ZNF677: variants seen among roughly 807,000 people sequenced by gnomAD.
The protein encoded by ZNF677 is zinc finger protein 677.
ZNF677 carries 5 observed loss-of-function variants against 8.1 expected under a neutral mutation model. The ratio of observed to expected loss-of-function variants is 0.62; its 90% CI spans 0.32 to 1.29. The LOEUF (loss-of-function observed/expected upper bound fraction) is 1.29, where lower values mean the gene tolerates loss of function less well. ZNF677 is among the 50% of genes most tolerant of loss of function. The pLI is 0.05. For missense variants in ZNF677, 685 were observed against 685.9 expected (o/e 1.00, Z 0.01); for synonymous variants, 221 against 225.6 (o/e 0.98, Z 0.18).
chr19:53,245,329 G>T (rs967606594), intron 3 of ZNF677, among the ~76,000 whole-genome samples: 3 of 151,740 alleles, frequency 2.0e-5, no homozygotes, highest in African/African-American at 7.3e-5. Flanking sequence ...ACAACCAACA[G>T]AACAAAAAGG....
At chr19:53,250,553 C>G (rs186777241) in intron 3 of ZNF677, among the ~76,000 whole-genome samples, 1 of 152,254 alleles carries the variant, frequency 6.6e-6, no homozygotes. Flanking sequence ...AGCCCACTAT[C>G]TTTAGCAAAC....
chr19:53,249,522 A>G (rs2091200490), intron 3 of ZNF677: 1 of 152,244 alleles, frequency 6.6e-6, no homozygotes, highest in South Asian at 2.1e-4. Context: ...ACAAATATAC[A>G]ATTTTGCAAA....
rs1286134931 is a variant in ZNF677 at position 53,237,714 on chromosome 19, T to C, written c.1013A>G (p.Gln338Arg). 1 of 1,613,716 alleles carries C rather than the reference T, an allele frequency of 6.2e-7. No individual in the cohort carries two copies. The highest frequency in any genetic ancestry group is 8.5e-7 in the Non-Finnish European group (1 of 1,179,878). ...CSQNSNLASH[Q>R]RMHTGEKPYK... ...AGGTTTCTCTCCAGTATGCATCCTC[T>C]GATGACTTGCAAGATTTGAATTTTG... The change falls in exon 5 of 5, where the codon CAG (glutamine) becomes CGG (arginine). Residue 338 changes from glutamine (Q) to arginine (R), a missense_variant. Physicochemically the swap from Gln to Arg is conservative, Grantham distance 43. Coordinates refer to ENST00000598513, the MANE Select transcript of ZNF677 (RefSeq NM_182609.4).
In ZNF677 at chr19:53,243,776, G is replaced by C. The variant is rs748548799; in HGVS notation, c.137C>G (p.Ser46Cys). 1 of 1,614,178 alleles carries C rather than the reference G, an allele frequency of 6.2e-7. No homozygotes were observed. The highest frequency in any genetic ancestry group is 8.5e-7 in the Non-Finnish European group (1 of 1,180,036). ...TGGAGGGATGTTATCCTCATCGAGA[G>C]AAAGCAGGTTCCTGTAGTTCTCCAA... ...VMLENYRNLL[S>C]LDEDNIPPED... is the part of the protein sequence containing the mutation. The change falls in exon 4 of 5, where the codon TCT becomes TGT. Residue 46 changes from serine (S) to cysteine (C), a missense_variant. By Grantham distance (112) the Ser-to-Cys change is moderately radical. Coordinates refer to ENST00000598513, the MANE Select transcript of ZNF677 (RefSeq NM_182609.4).
At position 53,237,750 on chromosome 19, in the gene ZNF677, T is replaced by A; in HGVS notation, c.977A>T (p.Lys326Met). ...AAGATTTGAATTTTGACTACAGACC[T>A]TGCCACATATATTACATTGATATGG... Reference protein sequence around the residue: ...EKPYQCNICGKVCSQNSNLAS... With the variant: ...EKPYQCNICGMVCSQNSNLAS... Residue 326 changes from lysine to methionine, a missense_variant, in exon 5 of 5, where the codon AAG becomes ATG. Transcript: ENST00000598513. 6.2e-7 allele frequency: 1 copy of A among 1,613,786 alleles called. No individual in the cohort carries two copies. The highest frequency in any genetic ancestry group is 8.5e-7 in the Non-Finnish European group (1 of 1,179,880).
intron 3 of ZNF677, among the ~76,000 whole-genome samples, chr19:53,246,530 A>T (rs868101215): frequency 1.0e-4 from 14 of 139,476 alleles, no homozygotes; most frequent in South Asian, 2.4e-4. Context: ...ACACACACAC[A>T]CTCACACACA....
chr19:53,240,790 C>T (rs2091037575), intron 4 of ZNF677: 1 of 152,016 alleles, frequency 6.6e-6, no homozygotes, highest in South Asian at 2.1e-4. Context: ...TTTGCCCAAA[C>T]CCAAAGCATA....
chr19:53,238,200 A>T lies in ZNF677; in HGVS notation c.527T>A (p.Ile176Lys). 6.2e-7 allele frequency: 1 copy of T among 1,613,768 alleles called. No individual in the cohort carries two copies. Among genetic ancestry groups the T allele is most frequent in the Non-Finnish European group, 8.5e-7 (1 of 1,179,894 alleles). Reference protein sequence around the residue: ...IRNLLKLKNNIRYAGNKYVKC... With the variant: ...IRNLLKLKNNKRYAGNKYVKC... ...CACGTATTTGTTTCCGGCATACCTT[A>T]TGTTATTTTTCAGTTTTAACAAATT... Residue 176 changes from isoleucine (I) to lysine (K), a missense_variant, in exon 5 of 5, where the codon ATA (isoleucine) becomes AAA (lysine). Transcript: ENST00000598513.
rs956387329 is a variant in ZNF677 at position 53,237,308 on chromosome 19, G to T, written c.1419C>A (p.His473Gln). The T allele has an allele frequency of 5.6e-6, 9 of 1,613,548 alleles. No individual in the cohort carries two copies. Among genetic ancestry groups the T allele is most frequent in the African/African-American group, 1.3e-5 (1 of 74,828 alleles). ...TATGAGTTCTCTGATGACCCCAAAG[G>T]TGTGAACGTTTGATAAAAGCTTTAT... ...KCDKAFIKRS[H>Q]LWGHQRTHTG... Residue 473 changes from histidine (H) to glutamine (Q), a missense_variant, in exon 5 of 5, where the codon CAC becomes CAA. By Grantham distance (24) the His-to-Gln change is conservative. Transcript: ENST00000598513.
chr19:53,243,609 A>G (rs1234494255), intron 4 of ZNF677, 135 bp downstream of exon 4: 13 of 1,191,810 alleles, frequency 1.1e-5, no homozygotes, highest in Admixed American at 2.3e-5. Flanking sequence ...TATATGCTAC[A>G]TTATGAAGCC....
chr19:53,244,078 G>T lies in ZNF677; in HGVS notation c.16-181C>A, dbSNP rs11881252. Reference sequence around the variant, plus strand: ...TTACATAACATAAAATTAGCTATTTGAGGCTGGGTGCAGTGGCTCACACCT... The same window carrying T: ...TTACATAACATAAAATTAGCTATTTTAGGCTGGGTGCAGTGGCTCACACCT... On this transcript the variant is annotated intron_variant, in intron 3 of 4. Transcript: ENST00000598513. 2,782 of 611,726 alleles carry T rather than the reference G, an allele frequency of 4.5e-3. 75 individuals carry two copies. The African/African-American group carries it at 0.048, about 11-fold the overall frequency. 37.9% of individuals were successfully genotyped at this position (611,726 alleles called of 1,614,324 possible).
Position 53,238,414 on chromosome 19 carries a change from T to G in ZNF677, c.313A>C (p.Lys105Gln). 2 of 1,613,970 alleles carry G rather than the reference T, an allele frequency of 1.2e-6. No individual in the cohort carries two copies. The highest frequency in any genetic ancestry group is 8.5e-7 in the Non-Finnish European group (1 of 1,179,944). ...TCATAGTCCCACAGGCTGTCAAACT[T>G]AGGCATATTTTCCCAGACTTCCTTG... is the stretch of plus-strand genomic sequence containing the variant. ...DLKEVWENMP[K>Q]FDSLWDYDVK... is the part of the protein sequence containing the mutation. The change falls in exon 5 of 5, where the codon AAG becomes CAG. Residue 105 changes from lysine (K) to glutamine (Q), a missense_variant. Transcript: ENST00000598513.
intron 3 of ZNF677, among the ~76,000 whole-genome samples, chr19:53,251,239 A>C (rs1282346006): frequency 6.6e-6 from 1 of 152,216 alleles, no homozygotes; most frequent in Non-Finnish European, 1.5e-5. Flanking sequence ...TGAAGTCTCT[A>C]AACAGTCACT....
Position 53,236,831 on chromosome 19 carries a change from T to A in ZNF677, c.*141A>T. 1.4e-6 allele frequency: 1 copy of A among 722,780 alleles called. No individual in the cohort carries two copies. Among genetic ancestry groups the A allele is most frequent in the Non-Finnish European group, 2.1e-6 (1 of 474,934 alleles). 44.8% of individuals were successfully genotyped at this position (722,780 alleles called of 1,614,324 possible). On this transcript the variant is annotated 3_prime_UTR_variant, in exon 5 of 5. Coordinates refer to ENST00000598513, the MANE Select transcript of ZNF677 (RefSeq NM_182609.4). ...TGTTCCACAAGGCTTGAACTTTGGA[T>A]AAGCCTTGCCATACATGTTATCTTT...
chr19:53,250,853 C>A (rs919381223), intron 3 of ZNF677, among the ~76,000 whole-genome samples: 13 of 152,166 alleles, frequency 8.5e-5, no homozygotes, highest in African/African-American at 2.4e-4. Context: ...TATCTAAACA[C>A]CCACTGCATG....
chr19:53,238,182 T>C lies in ZNF677; in HGVS notation c.545A>G (p.Lys182Arg). The change falls in exon 5 of 5, where the codon AAA (lysine) becomes AGA (arginine). Residue 182 changes from lysine to arginine, a missense_variant. Lys to Arg is a conservative substitution (Grantham distance 26). Transcript: ENST00000598513. The part of the protein sequence containing the change: ...LKNNIRYAGN[K>R]YVKCFENKIG... ...TTTATTTTCAAAACACTTCACGTAT[T>C]TGTTTCCGGCATACCTTATGTTATT... is the stretch of plus-strand genomic sequence containing the variant. 2 of 1,613,644 alleles carry C rather than the reference T, an allele frequency of 1.2e-6. No individual in the cohort carries two copies. Among genetic ancestry groups the C allele is most frequent in the Non-Finnish European group, 1.7e-6 (2 of 1,179,850 alleles).
chr19:53,243,610 T>G, intron 4 of ZNF677, 134 bp downstream of exon 4: 1 of 1,196,628 alleles, frequency 8.4e-7, no homozygotes, highest in Admixed American at 2.3e-5. Context: ...ATATGCTACA[T>G]TATGAAGCCT....
intron 3 of ZNF677, among the ~76,000 whole-genome samples, chr19:53,250,730 A>G (rs1196001309): frequency 6.6e-6 from 1 of 152,196 alleles, no homozygotes; most frequent in Non-Finnish European, 1.5e-5. Flanking sequence ...ACGAGGTTTA[A>G]TATCTGGATG....
rs753725829 is a variant in ZNF677 at position 53,238,364 on chromosome 19, AG to A, written c.362del (p.Pro121LeufsTer2). The stretch of plus-strand genomic sequence containing the variant: ...GAGTGAGATTTTTGTTACAGGTCAA[AG>A]GCATTCCTTTGTAATTTTTTACATC... Reference protein sequence around the residue: ...DYDVKNYKGMPLTCNKNLTHR... With the variant: ...DYDVKNYKGMXLTCNKNLTHR... On this transcript the variant is annotated frameshift_variant, in exon 5 of 5. Transcript: ENST00000598513. LOFTEE classifies it low-confidence loss of function (END_TRUNC). 2 of 1,613,502 alleles carry A rather than the reference AG, an allele frequency of 1.2e-6. No homozygotes were observed. Among genetic ancestry groups the A allele is most frequent in the Non-Finnish European group, 1.7e-6 (2 of 1,179,844 alleles).
Sources: allele counts gnomAD v4.1 joint callset (sites outside exome capture counted in the v4.1 genomes callset), GRCh38; gene constraint gnomAD v4.1.1; transcripts MANE v1.5; gene names NCBI Gene and HGNC (gene_info 2026-07-23, HGNC 2026-07-21).